ADCY2: variants seen among roughly 807,000 people sequenced by gnomAD.
The protein encoded by ADCY2 is adenylate cyclase 2, also known as adenylate cyclase type 2.
In ADCY2, 31 loss-of-function variants were observed where a neutral mutation model predicts 125.2. The observed-to-expected ratio is 0.25, with a 90% CI of 0.19 to 0.33. ADCY2 has a LOEUF of 0.33. Ranked by LOEUF, ADCY2 falls within the 10% of genes least tolerant of loss-of-function variation. ADCY2 has a pLI of 1.00. For synonymous variants in ADCY2, 512 were observed against 548.4 expected, an observed-to-expected ratio of 0.93 and a Z score of 0.93; for missense variants, 904 against 1,418.2, an observed-to-expected ratio of 0.64 and a Z score of 5.82.
intron 2 of ADCY2, among the ~76,000 whole-genome samples, chr5:7,512,722 A>G (rs1333168375): frequency 1.3e-5 from 2 of 152,186 alleles, no homozygotes; most frequent in African/African-American, 4.8e-5. Flanking sequence ...GTATATGAAC[A>G]TGGGAATTAG....
chr5:7,616,426 GTT>G (rs567284900), intron 3 of ADCY2, among the ~76,000 whole-genome samples: 329 of 152,260 alleles, frequency 2.2e-3, no homozygotes, highest in African/African-American at 7.4e-3. Flanking sequence ...CATTTAAATT[GTT>G]TGTTTGCTTT....
Position 7,757,580 on chromosome 5 carries a change from C to A in ADCY2, c.2088C>A (p.Phe696Leu), listed in dbSNP as rs1347432981. Residue 696 changes from phenylalanine to leucine, a missense_variant, in exon 16 of 25, where the codon TTC (phenylalanine) becomes TTA (leucine). Physicochemically the swap from Phe to Leu is conservative, Grantham distance 22. Coordinates refer to ENST00000338316, the MANE Select transcript of ADCY2 (RefSeq NM_020546.3). ...CCATCATATTAATGATGGCCGTGTT[C>A]AACATGGTAAGTCCCAGAGCACGGC... ...TTAIILMMAV[F>L]NMFFLSDSEE... 3 of 1,565,482 alleles carry A rather than the reference C, an allele frequency of 1.9e-6. No individual in the cohort carries two copies. Among genetic ancestry groups the A allele is most frequent in the African/African-American group, 1.4e-5 (1 of 73,400 alleles).
chr5:7,495,205 A>C (rs907147269), intron 2 of ADCY2, among the ~76,000 whole-genome samples: 1 of 152,152 alleles, frequency 6.6e-6, no homozygotes, highest in African/African-American at 2.4e-5. Flanking sequence ...CCTCACCTCC[A>C]TGTTCTGCAT....
intron 2 of ADCY2, among the ~76,000 whole-genome samples, chr5:7,516,748 A>T (rs1744266320): frequency 1.3e-5 from 2 of 152,150 alleles, no homozygotes; most frequent in Admixed American, 6.5e-5. Context: ...GACACGAAGG[A>T]GGAAGGGTAC....
Position 7,709,452 on chromosome 5 carries a change from C to T in ADCY2, c.1578+65C>T, listed in dbSNP as rs375346510. The T allele has an allele frequency of 1.6e-4, 239 of 1,467,270 alleles. 1 individual carries two copies. The highest frequency in any genetic ancestry group is 1.3e-3 in the Middle Eastern group (7 of 5,518). The allele number at this position is 1,467,270 out of a possible 1,614,324, so 90.9% of individuals were successfully genotyped here. A position where few individuals can be genotyped will look rare whatever the true frequency, so the allele number is the denominator to read the frequency against. ...AAAGCTAACTTCCCAAAACCAAAGG[C>T]TGGGCATCTCCTGCCAAAATAACTC... On this transcript the variant is annotated intron_variant, in intron 10 of 24. Coordinates refer to ENST00000338316, the MANE Select transcript of ADCY2 (RefSeq NM_020546.3). The surrounding 1 kb of genome is among the most constrained non-coding windows in gnomAD (Gnocchi z 4.4).
At chr5:7,451,977 C>G (rs190369447) in intron 2 of ADCY2, among the ~76,000 whole-genome samples, 2 of 152,284 alleles carry the variant, frequency 1.3e-5, no homozygotes, top group Admixed American at 6.5e-5. Flanking sequence ...AATGGCACAT[C>G]TCGGCTCACT....
At chr5:7,399,454 A>C (rs1739183322) in intron 1 of ADCY2, among the ~76,000 whole-genome samples, 1 of 152,254 alleles carries the variant, frequency 6.6e-6, no homozygotes, top group South Asian at 2.1e-4. Context: ...ATTTCATTTA[A>C]TTTCAACCTT....
intron 3 of ADCY2, 130 bp downstream of exon 3, chr5:7,521,029 C>T: frequency 8.9e-7 from 1 of 1,127,158 alleles, no homozygotes; most frequent in Non-Finnish European, 1.3e-6. Context: ...CCCCTTGAGA[C>T]TGACCCCCTA....
At chr5:7,694,911 C>G (rs1282817094) in intron 5 of ADCY2, among the ~76,000 whole-genome samples, 1 of 152,192 alleles carries the variant, frequency 6.6e-6, no homozygotes, top group Non-Finnish European at 1.5e-5. Flanking sequence ...TGTACCCCTC[C>G]AGGTTCTCAT....
chr5:7,607,723 G>A (rs1279571362), intron 3 of ADCY2, among the ~76,000 whole-genome samples: 3 of 152,188 alleles, frequency 2.0e-5, no homozygotes, highest in African/African-American at 4.8e-5. Flanking sequence ...ATATATGATG[G>A]TGATGTTTTT....
intron 17 of ADCY2, among the ~76,000 whole-genome samples, chr5:7,768,979 T>C (rs1490707981): frequency 6.6e-6 from 1 of 152,218 alleles, no homozygotes; most frequent in Non-Finnish European, 1.5e-5. Context: ...AAAGCCATTT[T>C]GTGAGTGTGT....
Position 7,506,789 on chromosome 5 carries a change from CTTTTTTTTTTTTTTTT to C in ADCY2, c.409-13935_409-13920del, listed in dbSNP as rs70940743. Among the ~76,000 whole-genome samples, 326 of 55,074 alleles carry C rather than the reference CTTTTTTTTTTTTTTTT, an allele frequency of 5.9e-3. 3 individuals are homozygous for C. The highest frequency in any genetic ancestry group is 8.3e-3 in the Non-Finnish European group (256 of 30,674). The allele number at this position is 55,074 out of a possible 152,430, so 36.1% of individuals were successfully genotyped here. A position where few individuals can be genotyped will look rare whatever the true frequency, so the allele number is the denominator to read the frequency against. On this transcript the variant is annotated intron_variant, in intron 2 of 24. Coordinates refer to ENST00000338316, the MANE Select transcript of ADCY2 (RefSeq NM_020546.3). ...AGGGGTAAATGTGTGATGCGTTGCT[CTTTTTTTTTTTTTTTT>C]TTTTTTTTTTTTTGCTCTGTCACCC... is the stretch of plus-strand genomic sequence containing the variant.
intron 2 of ADCY2, among the ~76,000 whole-genome samples, chr5:7,479,366 T>C (rs1742639799): frequency 1.3e-5 from 2 of 152,154 alleles, no homozygotes; most frequent in Non-Finnish European, 2.9e-5. Flanking sequence ...TCAAGAGTTA[T>C]CTGATTTTAG....
intron 22 of ADCY2, 128 bp downstream of exon 22, chr5:7,804,820 A>G (rs1744707287): frequency 3.0e-6 from 2 of 658,328 alleles, no homozygotes; most frequent in East Asian, 5.5e-5. Flanking sequence ...CTCAGGGTCA[A>G]GGTCCTATGA....
At chr5:7,817,450 G>T (rs930680148) in intron 23 of ADCY2, among the ~76,000 whole-genome samples, 1 of 152,158 alleles carries the variant, frequency 6.6e-6, no homozygotes, top group Non-Finnish European at 1.5e-5. Context: ...ATGTGTCATA[G>T]GTTCTGAAAC....
chr5:7,814,937 G>T (rs559001878), intron 22 of ADCY2, among the ~76,000 whole-genome samples: 172 of 152,196 alleles, frequency 1.1e-3, no homozygotes, highest in Non-Finnish European at 2.2e-3. Flanking sequence ...AGCGTGCCTT[G>T]CTGGTTCCCC....
At chr5:7,545,378 T>G (rs776433769) in intron 3 of ADCY2, among the ~76,000 whole-genome samples, 22 of 152,172 alleles carry the variant, frequency 1.4e-4, no homozygotes, top group Non-Finnish European at 3.1e-4. Flanking sequence ...AATAATTTAT[T>G]AGAGAACCTG....
chr5:7,632,882 G>A (rs1340902130), intron 4 of ADCY2, among the ~76,000 whole-genome samples: 1 of 152,134 alleles, frequency 6.6e-6, no homozygotes, highest in Admixed American at 6.5e-5. Context: ...TATTTTCTGA[G>A]AAGTCCTTTA....
At chr5:7,441,469 A>G (rs1741012428) in intron 2 of ADCY2, among the ~76,000 whole-genome samples, 1 of 151,854 alleles carries the variant, frequency 6.6e-6, no homozygotes, top group Non-Finnish European at 1.5e-5. Context: ...ATGTACACAC[A>G]TTTTCTTGAC....
Sources: allele counts gnomAD v4.1 joint callset (sites outside exome capture counted in the v4.1 genomes callset), GRCh38; gene constraint gnomAD v4.1.1; non-coding constraint Gnocchi (gnomAD v3.1); transcripts MANE v1.5; gene names NCBI Gene and HGNC (gene_info 2026-07-23, HGNC 2026-07-21).